RELCH: variants seen among roughly 807,000 people sequenced by gnomAD.
The protein encoded by RELCH is RAB11 binding and LisH domain, coiled-coil and HEAT repeat containing.
Under a neutral mutation model 150.3 loss-of-function variants are expected in RELCH, and 41 were observed. That is an observed-to-expected ratio of 0.27 (90% CI 0.21 to 0.35). The LOEUF is 0.35. Among genes scored for constraint, RELCH ranks in the 10% least tolerant of loss-of-function variants. The pLI, the probability that RELCH is intolerant of heterozygous loss-of-function variation, is 1.00. For missense variants in RELCH, 1,092 were observed against 1,467.8 expected, an observed-to-expected ratio of 0.74 and a Z score of 4.18; for synonymous variants, 478 against 531.8, an observed-to-expected ratio of 0.90 and a Z score of 1.39.
intron 8 of RELCH, among the ~76,000 whole-genome samples, chr18:62,229,797 T>C (rs1316209774): frequency 6.6e-6 from 1 of 151,894 alleles, no homozygotes; most frequent in Non-Finnish European, 1.5e-5. Flanking sequence ...CATGCACAAA[T>C]GAAACAGTGC....
chr18:62,221,143 C>A, intron 3 of RELCH, 35 bp downstream of exon 3: 1 of 1,604,206 alleles, frequency 6.2e-7, no homozygotes, highest in Non-Finnish European at 8.5e-7. Context: ...GACTTTTCAA[C>A]TTTGACAATG....
rs540705017 is a variant in RELCH at position 62,267,804 on chromosome 18, A to G, written c.2680+1055A>G. On this transcript the variant is annotated intron_variant, in intron 19 of 28. Coordinates refer to ENST00000644646, the MANE Select transcript of RELCH (RefSeq NM_001346231.2). ...GTGAAGAAAAAAGGTAAATATTTTA[A>G]AAACTGACAGCTTTTGGAATTATTA... Among the ~76,000 whole-genome samples, 6 of 152,038 alleles carry G rather than the reference A, an allele frequency of 3.9e-5. No homozygotes were observed. The South Asian group carries it at 1.2e-3, about 32-fold the overall frequency.
chr18:62,188,936 A>G (rs1193079126), intron 1 of RELCH, among the ~76,000 whole-genome samples: 3 of 152,282 alleles, frequency 2.0e-5, no homozygotes, highest in Non-Finnish European at 4.4e-5. Context: ...TATTAATTCT[A>G]TATTAACAAG....
At chr18:62,293,713 A>T (rs572955750) in intron 27 of RELCH, among the ~76,000 whole-genome samples, 35 of 152,244 alleles carry the variant, frequency 2.3e-4, no homozygotes, top group African/African-American at 7.0e-4. Context: ...AAAAATTTTT[A>T]AAATAATAAT....
intron 1 of RELCH, among the ~76,000 whole-genome samples, chr18:62,194,536 T>C (rs9953713): frequency 0.029 from 4,375 of 152,302 alleles, 158 homozygotes; most frequent in East Asian, 0.18. Flanking sequence ...CAAACTTTAG[T>C]ACAGTTTTAA....
At chr18:62,247,544 T>A (rs1354579005) in intron 11 of RELCH, 1 of 115,518 alleles carries the variant, frequency 8.7e-6, no homozygotes, top group African/African-American at 3.2e-5. Flanking sequence ...TTATAAGCGA[T>A]TTTTTTTTTT....
In RELCH at chr18:62,231,184, T is replaced by G. The variant is rs1011462677; in HGVS notation, c.1449-10T>G. 2 of 1,548,166 alleles carry G rather than the reference T, an allele frequency of 1.3e-6. No individual in the cohort carries two copies. The highest frequency in any genetic ancestry group is 1.8e-6 in the Non-Finnish European group (2 of 1,126,324). On this transcript the variant is annotated splice_polypyrimidine_tract_variant and intron_variant, in intron 8 of 28. Coordinates refer to ENST00000644646, the MANE Select transcript of RELCH (RefSeq NM_001346231.2). ...TTGATATTGTCTCTTTTTCATACAT[T>G]TTCTTCTAGGAAATTGTCTCCTGCA...
chr18:62,210,654 G>C (rs1165090813), intron 1 of RELCH, among the ~76,000 whole-genome samples: 1 of 152,058 alleles, frequency 6.6e-6, no homozygotes, highest in Admixed American at 6.5e-5. Flanking sequence ...TAAAATCTTA[G>C]TCTACTGATT....
Position 62,251,097 on chromosome 18 carries a change from A to G in RELCH, c.1734-1567A>G, listed in dbSNP as rs35575924. ...GTTTTTTTTAGTTACAAATCTATCA[A>G]TTCAAATGAAGATAATGTATTAGTT... On this transcript the variant is annotated intron_variant, in intron 11 of 28. Transcript: ENST00000644646. Among the ~76,000 whole-genome samples the G allele has an allele frequency of 7.4e-3, 1,127 of 152,302 alleles. 9 individuals are homozygous for G. Among genetic ancestry groups the G allele is most frequent in the Middle Eastern group, 0.017 (5 of 294 alleles).
chr18:62,214,773 C>T (rs1336799659), intron 2 of RELCH, among the ~76,000 whole-genome samples: 1 of 152,128 alleles, frequency 6.6e-6, no homozygotes, highest in Non-Finnish European at 1.5e-5. Flanking sequence ...CCTGCTGGAG[C>T]CATAGATGGA....
chr18:62,213,406 C>A (rs1173158838), intron 2 of RELCH, among the ~76,000 whole-genome samples: 1 of 151,908 alleles, frequency 6.6e-6, no homozygotes, highest in Non-Finnish European at 1.5e-5. Flanking sequence ...TAGGGGGAAA[C>A]TGACATAAAC....
intron 15 of RELCH, among the ~76,000 whole-genome samples, chr18:62,261,145 A>G (rs760740135): frequency 5.3e-5 from 8 of 152,006 alleles, no homozygotes; most frequent in Non-Finnish European, 1.2e-4. Context: ...AAAATATCTC[A>G]TGGTACCCCG....
intron 24 of RELCH, 50 bp from the exon 25 acceptor site, chr18:62,282,256 A>C: frequency 6.6e-7 from 1 of 1,515,008 alleles, no homozygotes; most frequent in Non-Finnish European, 9.1e-7. Flanking sequence ...TAACAACACT[A>C]CTCAGTTTTC....
At chr18:62,245,349 C>T (rs1433716226) in intron 11 of RELCH, among the ~76,000 whole-genome samples, 1 of 152,152 alleles carries the variant, frequency 6.6e-6, no homozygotes, top group African/African-American at 2.4e-5. Flanking sequence ...TTCGGCCAGG[C>T]GCCATGGCTC....
At position 62,227,435 on chromosome 18, in the gene RELCH, C is replaced by T. The variant is rs1187896992; in HGVS notation, c.1005C>T (p.Ala335=). 6.2e-6 allele frequency: 10 copies of T among 1,612,982 alleles called. No individual in the cohort carries two copies. The Middle Eastern group carries it at 9.9e-4, about 159-fold the overall frequency. The change falls in exon 6 of 29, where the codon GCC becomes GCT. Residue 335 remains alanine, a synonymous_variant. Coordinates refer to ENST00000644646, the MANE Select transcript of RELCH (RefSeq NM_001346231.2). ...GAGTAGAAGAAGATGAATTAGAGGC[C>T]CTTACACCAATTATAAGCAACCTTC... The part of the protein sequence containing the change: ...ASGVEEDELE[A]LTPIISNLPP...
chr18:62,294,488 T>G (rs189015318), intron 27 of RELCH, among the ~76,000 whole-genome samples: 5 of 152,320 alleles, frequency 3.3e-5, no homozygotes, highest in Non-Finnish European at 7.4e-5. Context: ...TGTGTTCTTC[T>G]ATTAAAGTCT....
At chr18:62,231,310 T>G in intron 9 of RELCH, 41 bp downstream of exon 9, 1 of 1,250,516 alleles carries the variant, frequency 8.0e-7, no homozygotes, top group Non-Finnish European at 1.2e-6. Flanking sequence ...TTAAAAACAT[T>G]CTACTGTTTT....
chr18:62,250,525 AT>A (rs1474603978), intron 11 of RELCH, among the ~76,000 whole-genome samples: 1 of 152,168 alleles, frequency 6.6e-6, no homozygotes, highest in African/African-American at 2.4e-5. Flanking sequence ...CATTCACTTT[AT>A]TTGCCTTCCT....
At position 62,305,569 on chromosome 18, in the gene RELCH, G is replaced by A; in HGVS notation, c.*35G>A. The A allele has an allele frequency of 1.3e-6, 2 of 1,578,452 alleles. No individual in the cohort carries two copies. The highest frequency in any genetic ancestry group is 1.7e-6 in the Non-Finnish European group (2 of 1,164,682). On this transcript the variant is annotated 3_prime_UTR_variant, in exon 29 of 29. Coordinates refer to ENST00000644646, the MANE Select transcript of RELCH (RefSeq NM_001346231.2). The surrounding 1 kb of genome is among the most constrained non-coding windows in gnomAD (Gnocchi z 4.0). Reference sequence around the variant, plus strand: ...AGAAGCCCCCAGTAAACACTAAGATGGACCTCAAGCCGACTGGTTCCTTGT... The same window carrying A: ...AGAAGCCCCCAGTAAACACTAAGATAGACCTCAAGCCGACTGGTTCCTTGT...
Sources: allele counts gnomAD v4.1 joint callset (sites outside exome capture counted in the v4.1 genomes callset), GRCh38; gene constraint gnomAD v4.1.1; non-coding constraint Gnocchi (gnomAD v3.1); transcripts MANE v1.5; gene names NCBI Gene and HGNC (gene_info 2026-07-23, HGNC 2026-07-21).